The following SHH variants were observed in gnomAD, a reference collection of about 807,000 sequenced individuals.
SHH encodes the protein sonic hedgehog signaling molecule, also known as sonic hedgehog protein.
SHH carries 3 observed loss-of-function variants against 16.6 expected under a neutral mutation model. The observed-to-expected ratio is 0.18, with a 90% CI of 0.08 to 0.47. The LOEUF (loss-of-function observed/expected upper bound fraction) is 0.47, where lower values mean the gene tolerates loss of function less well. Ranked by LOEUF, SHH falls within the 20% of genes least tolerant of loss-of-function variation. The pLI is 0.98. For synonymous variants in SHH, 351 were observed against 316.2 expected (o/e 1.11, Z -1.17); for missense variants, 499 against 665.0 (o/e 0.75, Z 2.75).
Position 155,800,322 on chromosome 7 carries a change from C to T in SHH, c.*2578G>A, listed in dbSNP as rs1218595545. The T allele has an allele frequency of 2.3e-6, 1 of 432,046 alleles. No individual in the cohort carries two copies. Among genetic ancestry groups the T allele is most frequent in the South Asian group, 1.7e-5 (1 of 59,368 alleles). The allele number at this position is 432,046 out of a possible 1,614,324, so 26.8% of individuals were successfully genotyped here. A position where few individuals can be genotyped will look rare whatever the true frequency, so the allele number is the denominator to read the frequency against. Reference sequence around the variant, plus strand: ...TGGACCAGGAGGGCTGGGGACAGCACCCAGCAGCACGGACACTCTGCCACC... The same window carrying T: ...TGGACCAGGAGGGCTGGGGACAGCATCCAGCAGCACGGACACTCTGCCACC... On this transcript the variant is annotated 3_prime_UTR_variant, in exon 3 of 3. Transcript: ENST00000297261.
intron 1 of SHH, among the ~76,000 whole-genome samples, chr7:155,810,990 C>T (rs1803510578): frequency 6.6e-6 from 1 of 152,132 alleles, no homozygotes; most frequent in Non-Finnish European, 1.5e-5. Flanking sequence ...TGCTTAGCTT[C>T]CCCTCCCCCC....
chr7:155,806,792 T>A lies in SHH; in HGVS notation c.301-235A>T. 4.8e-6 allele frequency: 3 copies of A among 628,254 alleles called. No individual in the cohort carries two copies. In the East Asian group the frequency reaches 8.4e-5, roughly 18 times the overall value. 38.9% of individuals were successfully genotyped at this position (628,254 alleles called of 1,614,324 possible). A position where few individuals can be genotyped will look rare whatever the true frequency, so the allele number is the denominator to read the frequency against. On this transcript the variant is annotated intron_variant, in intron 1 of 2. Transcript: ENST00000297261. ...GGAGCACGTCCTCTCAGGGTAGAGC[T>A]GGGGGCCTTTCTCCAGGTCCTGAAA...
chr7:155,811,132 A>C (rs1341341066), intron 1 of SHH, among the ~76,000 whole-genome samples: 1 of 152,260 alleles, frequency 6.6e-6, no homozygotes, highest in Admixed American at 6.5e-5. Flanking sequence ...TCCTTAAAGA[A>C]ATATCAATAC....
At position 155,802,914 on chromosome 7, in the gene SHH, C is replaced by T. The variant is rs1270149935; in HGVS notation, c.1375G>A (p.Val459Ile). The T allele has an allele frequency of 9.1e-6, 12 of 1,317,772 alleles. No homozygotes were observed. Among genetic ancestry groups the T allele is most frequent in the Non-Finnish European group, 1.2e-5 (12 of 1,005,604 alleles). The allele number at this position is 1,317,772 out of a possible 1,614,324, so 81.6% of individuals were successfully genotyped here. A position where few individuals can be genotyped will look rare whatever the true frequency, so the allele number is the denominator to read the frequency against. Residue 459 changes from valine (V) to isoleucine (I), a missense_variant, in exon 3 of 3, where the codon GTC becomes ATC. By Grantham distance (29) the Val-to-Ile change is conservative. Coordinates refer to ENST00000297261, the MANE Select transcript of SHH (RefSeq NM_000193.4). Reference sequence around the variant, plus strand: ...GCCCCCCGGCTTCAGCTGGACTTGACCGCCATGCCCAGCGGGTGCAGGGCC... The same window carrying T: ...GCCCCCCGGCTTCAGCTGGACTTGATCGCCATGCCCAGCGGGTGCAGGGCC... Reference protein sequence around the residue: ...SEALHPLGMAVKSS With the variant: ...SEALHPLGMAIKSS
At position 155,800,114 on chromosome 7, in the gene SHH, C is replaced by T. The variant is rs1369367903; in HGVS notation, c.*2786G>A. The T allele has an allele frequency of 2.1e-6, 1 of 471,706 alleles. No individual in the cohort carries two copies. The highest frequency in any genetic ancestry group is 1.5e-5 in the South Asian group (1 of 64,572). The allele number at this position is 471,706 out of a possible 1,614,324, so 29.2% of individuals were successfully genotyped here. On this transcript the variant is annotated 3_prime_UTR_variant, in exon 3 of 3. Transcript: ENST00000297261. ...AGGGAGGCTGGCAGCAACCACCATGCATACATTTTGCACAAACTCTTGGCT... is the reference window on the plus strand; with the variant it reads ...AGGGAGGCTGGCAGCAACCACCATGTATACATTTTGCACAAACTCTTGGCT...
chr7:155,806,450 C>T lies in SHH; in HGVS notation c.408G>A (p.Glu136=). Residue 136 remains glutamate (E), a synonymous_variant, in exon 2 of 3, where the codon GAG becomes GAA. Transcript: ENST00000297261. ...CGCGGCCCTCGTAGTGCAGAGACTC[C>T]TCTGAGTGGTGGCCATCTTCGTCCC... ...EGWDEDGHHS[E]ESLHYEGRAV... is the part of the protein sequence containing the mutation. The T allele has an allele frequency of 6.2e-7, 1 of 1,613,878 alleles. No homozygotes were observed. The highest frequency in any genetic ancestry group is 8.5e-7 in the Non-Finnish European group (1 of 1,180,042).
chr7:155,803,792 CG>C, intron 2 of SHH, 66 bp from the exon 3 acceptor site: 1 of 1,407,960 alleles, frequency 7.1e-7, no homozygotes, highest in Non-Finnish European at 9.8e-7. Context: ...AGGCGCGTCT[CG>C]GGGAGGAGGG....
intron 2 of SHH, among the ~76,000 whole-genome samples, chr7:155,805,566 G>A (rs1193526130): frequency 6.6e-6 from 1 of 152,216 alleles, no homozygotes; most frequent in Non-Finnish European, 1.5e-5. Context: ...CCTCGGGCCG[G>A]AGGTTTGCGT....
At chr7:155,810,325 G>A (rs1803493145) in intron 1 of SHH, among the ~76,000 whole-genome samples, 1 of 152,182 alleles carries the variant, frequency 6.6e-6, no homozygotes, top group South Asian at 2.1e-4. Flanking sequence ...CCACGCCCCC[G>A]CCGCTCTCTC....
chr7:155,805,792 C>A (rs1276883806), intron 2 of SHH, among the ~76,000 whole-genome samples: 2 of 152,322 alleles, frequency 1.3e-5, no homozygotes, highest in Non-Finnish European at 2.9e-5. Flanking sequence ...CTGCCGCCCA[C>A]CAGGCCTCTC....
Position 155,800,847 on chromosome 7 carries a change from G to A in SHH, c.*2053C>T, listed in dbSNP as rs1803164929. ...GGCCCAACCTCGGGAGCCAGCCCCT[G>A]CCAGGTGGGGCTGAAGTCTGTTCAC... On this transcript the variant is annotated 3_prime_UTR_variant, in exon 3 of 3. Coordinates refer to ENST00000297261, the MANE Select transcript of SHH (RefSeq NM_000193.4). 5.8e-6 allele frequency: 2 copies of A among 346,850 alleles called. No individual in the cohort carries two copies. Among genetic ancestry groups the A allele is most frequent in the Non-Finnish European group, 1.1e-5 (2 of 174,846 alleles). The allele number at this position is 346,850 out of a possible 1,614,324, so 21.5% of individuals were successfully genotyped here. A position where few individuals can be genotyped will look rare whatever the true frequency, so the allele number is the denominator to read the frequency against.
In SHH at chr7:155,803,403, C is replaced by A; in HGVS notation, c.886G>T (p.Gly296Trp). The A allele has an allele frequency of 6.6e-7, 1 of 1,515,146 alleles. No individual in the cohort carries two copies. Among genetic ancestry groups the A allele is most frequent in the Non-Finnish European group, 8.8e-7 (1 of 1,139,208 alleles). The allele number at this position is 1,515,146 out of a possible 1,614,324, so 93.9% of individuals were successfully genotyped here. A position where few individuals can be genotyped will look rare whatever the true frequency, so the allele number is the denominator to read the frequency against. The change falls in exon 3 of 3, where the codon GGG (glycine) becomes TGG (tryptophan). Residue 296 changes from glycine to tryptophan, a missense_variant. By Grantham distance (184) the Gly-to-Trp change is radical. This residue lies in a region of SHH where 299 missense variants were observed against 301.1 expected (regional missense o/e 0.99). Transcript: ENST00000297261. ...AGCGCCCGAGGCCCCAGTGCGCCCC[C>A]GGAAGGCGGCCCCGAGCCCGAGGAC... ...EASSGSGPPS[G>W]GALGPRALFA...
chr7:155,811,059 C>A (rs180788852), intron 1 of SHH, among the ~76,000 whole-genome samples: 16 of 152,322 alleles, frequency 1.1e-4, no homozygotes, highest in Non-Finnish European at 1.9e-4. Flanking sequence ...TAAAGTGATG[C>A]AATGCCAATA....
At position 155,801,631 on chromosome 7, in the gene SHH, C is replaced by T. The variant is rs1175647891; in HGVS notation, c.*1269G>A. 1 of 152,262 alleles carries T rather than the reference C, an allele frequency of 6.6e-6. No individual in the cohort carries two copies. Among genetic ancestry groups the T allele is most frequent in the Non-Finnish European group, 1.5e-5 (1 of 68,050 alleles). 9.4% of individuals were successfully genotyped at this position (152,262 alleles called of 1,614,324 possible). Reference sequence around the variant, plus strand: ...AAGAGCTTCACACAATAAATACAAACAGAGCTGAGGTTTCTCCAGCCATGA... The same window carrying T: ...AAGAGCTTCACACAATAAATACAAATAGAGCTGAGGTTTCTCCAGCCATGA... On this transcript the variant is annotated 3_prime_UTR_variant, in exon 3 of 3. Coordinates refer to ENST00000297261, the MANE Select transcript of SHH (RefSeq NM_000193.4).
chr7:155,812,198 G>A lies in SHH; in HGVS notation c.-76C>T. On this transcript the variant is annotated 5_prime_UTR_variant, in exon 1 of 3. It adds an upstream start codon to the 5' untranslated region. Transcript: ENST00000297261. ...GCGAGTGCGCGCGGCGGGTGTGTGC[G>A]TGTGCGCTCTCTCTTGCGCTTTCCC... 7.2e-7 allele frequency: 1 copy of A among 1,394,840 alleles called. No individual in the cohort carries two copies. Among genetic ancestry groups the A allele is most frequent in the South Asian group, 1.2e-5 (1 of 86,490 alleles). The allele number at this position is 1,394,840 out of a possible 1,614,324, so 86.4% of individuals were successfully genotyped here. A position where few individuals can be genotyped will look rare whatever the true frequency, so the allele number is the denominator to read the frequency against.
rs1408712267 is a variant in SHH at position 155,803,457 on chromosome 7, T to C, written c.832A>G (p.Asn278Asp). ...TCGGGCTCCCCGGTGGCCGAGTCGT[T>C]GTGCGGCGCCACAAAGAGCAGGTGC... is the stretch of plus-strand genomic sequence containing the variant. The part of the protein sequence containing the change: ...AAHLLFVAPH[N>D]DSATGEPEAS... Residue 278 changes from asparagine to aspartate, a missense_variant, in exon 3 of 3, where the codon AAC (asparagine) becomes GAC (aspartate). Coordinates refer to ENST00000297261, the MANE Select transcript of SHH (RefSeq NM_000193.4). 1 of 1,549,032 alleles carries C rather than the reference T, an allele frequency of 6.5e-7. No individual in the cohort carries two copies. The highest frequency in any genetic ancestry group is 8.7e-7 in the Non-Finnish European group (1 of 1,151,948).
chr7:155,808,710 G>A (rs904734411), intron 1 of SHH, among the ~76,000 whole-genome samples: 1 of 152,226 alleles, frequency 6.6e-6, no homozygotes, highest in Non-Finnish European at 1.5e-5. Flanking sequence ...GTCGTGTGCC[G>A]CGAATCAAGC....
rs934539037 is a variant in SHH, at chr7:155,802,756, A to C, written c.*144T>G. The C allele has an allele frequency of 2.1e-6, 1 of 477,334 alleles. No homozygotes were observed. Among genetic ancestry groups the C allele is most frequent in the Non-Finnish European group, 3.4e-6 (1 of 294,746 alleles). 29.6% of individuals were successfully genotyped at this position (477,334 alleles called of 1,614,324 possible). ...CGGGGTCCTTGTTTCCTTAGAGTCTACTTTGGACTGTCCTACTTTATTATT... is the reference window on the plus strand; with the variant it reads ...CGGGGTCCTTGTTTCCTTAGAGTCTCCTTTGGACTGTCCTACTTTATTATT... On this transcript the variant is annotated 3_prime_UTR_variant, in exon 3 of 3. Transcript: ENST00000297261.
chr7:155,806,322 G>A lies in SHH; in HGVS notation c.536C>T (p.Ala179Val). The A allele has an allele frequency of 6.2e-7, 1 of 1,613,326 alleles. No homozygotes were observed. The change falls in exon 2 of 3, where the codon GCA (alanine) becomes GTA (valine). Residue 179 changes from alanine (A) to valine (V), a missense_variant. By Grantham distance (64) the Ala-to-Val change is moderately conservative (BLOSUM62 0). Coordinates refer to ENST00000297261, the MANE Select transcript of SHH (RefSeq NM_000193.4). ...GFDWVYYESK[A>V]HIHCSVKAEN... Reference sequence around the variant, plus strand: ...TGCTTTCACCGAGCAGTGGATATGTGCCTTGGACTCGTAGTACACCCAGTC... The same window carrying A: ...TGCTTTCACCGAGCAGTGGATATGTACCTTGGACTCGTAGTACACCCAGTC...
Sources: allele counts gnomAD v4.1 joint callset (sites outside exome capture counted in the v4.1 genomes callset), GRCh38; gene constraint gnomAD v4.1.1; regional missense constraint gnomAD v4.1.1; transcripts MANE v1.5; gene names NCBI Gene and HGNC (gene_info 2026-07-23, HGNC 2026-07-21).